Variants in ANGPT1 observed in about 807,000 individuals in gnomAD.
The protein encoded by ANGPT1 is angiopoietin 1, also known as angiopoietin-1.
Under a neutral mutation model 62.2 loss-of-function variants are expected in ANGPT1, and 17 were observed. The ratio of observed to expected loss-of-function variants is 0.27; its 90% CI spans 0.19 to 0.41. The LOEUF is 0.41. Among genes scored for constraint, ANGPT1 ranks in the 10% least tolerant of loss-of-function variants. The probability of loss-of-function intolerance (pLI) is 1.00; values close to 1 mark genes in which losing one functional copy is unlikely to be tolerated. For synonymous variants in ANGPT1, 199 were observed against 198.9 expected (o/e 1.00, Z 0.00); for missense variants, 478 against 594.9 (o/e 0.80, Z 2.04).
intron 1 of ANGPT1, among the ~76,000 whole-genome samples, chr8:107,419,073 G>T (rs547479053): frequency 6.6e-6 from 1 of 151,990 alleles, no homozygotes; most frequent in East Asian, 1.9e-4. Flanking sequence ...GTCTAAAATC[G>T]GTCATGATCC....
At chr8:107,472,639 T>C (rs949534776) in intron 1 of ANGPT1, among the ~76,000 whole-genome samples, 1 of 152,060 alleles carries the variant, frequency 6.6e-6, no homozygotes, top group African/African-American at 2.4e-5. Flanking sequence ...ATAAAACCAC[T>C]ATAGGAACCT....
rs1814637117 is a variant in ANGPT1, at chr8:107,303,298, C to G, written c.878G>C (p.Gly293Ala). ...FRDCADVYQA[G>A]FNKSGIYTIY... ...AGTGTAGATTCCACTTTTATTAAAACCAGCTTGATATACATCTGCACAGTC... is the reference window on the plus strand; with the variant it reads ...AGTGTAGATTCCACTTTTATTAAAAGCAGCTTGATATACATCTGCACAGTC... Residue 293 changes from glycine (G) to alanine (A), a missense_variant, in exon 5 of 9, where the codon GGT becomes GCT. Physicochemically the swap from Gly to Ala is moderately conservative, Grantham distance 60. Coordinates refer to ENST00000517746, the MANE Select transcript of ANGPT1 (RefSeq NM_001146.5). 6.2e-7 allele frequency: 1 copy of G among 1,603,508 alleles called. No homozygotes were observed. The highest frequency in any genetic ancestry group is 8.5e-7 in the Non-Finnish European group (1 of 1,173,200).
chr8:107,488,027 T>A (rs898959287), intron 1 of ANGPT1, among the ~76,000 whole-genome samples: 12 of 152,304 alleles, frequency 7.9e-5, no homozygotes, highest in Admixed American at 3.9e-4. Flanking sequence ...TATCATACAA[T>A]TGTATAATTA....
At chr8:107,274,795 A>T (rs564447206) in intron 7 of ANGPT1, among the ~76,000 whole-genome samples, 2 of 152,282 alleles carry the variant, frequency 1.3e-5, no homozygotes, top group African/African-American at 4.8e-5. Context: ...TGCACAAAAA[A>T]ACCTTGTCAA....
At chr8:107,307,553 A>G (rs115763181) in intron 4 of ANGPT1, among the ~76,000 whole-genome samples, 438 of 152,190 alleles carry the variant, frequency 2.9e-3, no homozygotes, top group African/African-American at 0.01. Context: ...ACCCTATAGA[A>G]GTTGTCTTTG....
intron 1 of ANGPT1, among the ~76,000 whole-genome samples, chr8:107,475,461 T>C (rs1812492624): frequency 6.6e-6 from 1 of 152,140 alleles, no homozygotes; most frequent in South Asian, 2.1e-4. Flanking sequence ...ACTTAACCAT[T>C]AGACCTAAAA....
chr8:107,300,461 G>C (rs922743328), intron 5 of ANGPT1, among the ~76,000 whole-genome samples: 6 of 151,694 alleles, frequency 4.0e-5, no homozygotes, highest in Non-Finnish European at 7.4e-5. Context: ...ACAAGAGAAT[G>C]AACATCTAAG....
At chr8:107,473,678 A>T (rs1266182733) in intron 1 of ANGPT1, among the ~76,000 whole-genome samples, 1 of 152,096 alleles carries the variant, frequency 6.6e-6, no homozygotes, top group Non-Finnish European at 1.5e-5. Context: ...CCTTTAGGTA[A>T]ATATGTATGT....
chr8:107,266,103 C>G (rs933505492), intron 7 of ANGPT1, among the ~76,000 whole-genome samples: 1 of 152,116 alleles, frequency 6.6e-6, no homozygotes, highest in African/African-American at 2.4e-5. Flanking sequence ...CTCTGAGAGG[C>G]AGACTACAAG....
At chr8:107,430,087 C>T (rs1406076732) in intron 1 of ANGPT1, among the ~76,000 whole-genome samples, 2 of 151,764 alleles carry the variant, frequency 1.3e-5, no homozygotes, top group South Asian at 2.1e-4. Flanking sequence ...AGAATGTGTG[C>T]TTTTTTTGTT....
chr8:107,258,990 A>G lies in ANGPT1; in HGVS notation c.1336+5231T>C, dbSNP rs556464919. Among the ~76,000 whole-genome samples, 3 of 152,284 alleles carry G rather than the reference A, an allele frequency of 2.0e-5. No individual in the cohort carries two copies. In the South Asian group the frequency reaches 6.2e-4, roughly 32 times the overall value. ...GAACATATGCTATCTGCCACACACT[A>G]TGGCAGCCACTGGGGATACAGTAGT... is the stretch of plus-strand genomic sequence containing the variant. On this transcript the variant is annotated intron_variant, in intron 8 of 8. Transcript: ENST00000517746.
intron 7 of ANGPT1, among the ~76,000 whole-genome samples, chr8:107,274,203 G>C (rs755005482): frequency 3.9e-5 from 6 of 152,186 alleles, no homozygotes; most frequent in Admixed American, 6.5e-5. Context: ...GTGCGACTCA[G>C]AAATCTGTAC....
chr8:107,395,337 T>C (rs1310088608), intron 1 of ANGPT1, among the ~76,000 whole-genome samples: 1 of 152,236 alleles, frequency 6.6e-6, no homozygotes, highest in Non-Finnish European at 1.5e-5. Context: ...AAGGATCAAG[T>C]CGAGGTATTT....
chr8:107,446,748 G>T (rs1440550575), intron 1 of ANGPT1, among the ~76,000 whole-genome samples: 2 of 152,166 alleles, frequency 1.3e-5, no homozygotes, highest in Admixed American at 6.5e-5. Flanking sequence ...CAGTTATGTG[G>T]CTATTGCAGA....
chr8:107,325,125 T>C (rs537844382), intron 3 of ANGPT1, among the ~76,000 whole-genome samples: 6 of 152,322 alleles, frequency 3.9e-5, no homozygotes, highest in African/African-American at 1.4e-4. Context: ...GAGAAGTTCG[T>C]GGTAAAACAC....
chr8:107,406,332 T>A (rs987371010), intron 1 of ANGPT1, among the ~76,000 whole-genome samples: 50 of 152,042 alleles, frequency 3.3e-4, no homozygotes, highest in African/African-American at 1.2e-3. Flanking sequence ...CTTTAATAAA[T>A]CTGACATACA....
At chr8:107,452,620 A>T (rs1488031693) in intron 1 of ANGPT1, among the ~76,000 whole-genome samples, 1 of 151,960 alleles carries the variant, frequency 6.6e-6, no homozygotes, top group Non-Finnish European at 1.5e-5. Flanking sequence ...TGATGGCCAT[A>T]TATTTAATCA....
intron 3 of ANGPT1, 128 bp from the exon 4 acceptor site, chr8:107,322,256 G>A (rs1815172122): frequency 1.5e-6 from 1 of 683,562 alleles, no homozygotes; most frequent in Non-Finnish European, 2.4e-6. Context: ...ATATTTTTAA[G>A]TGAGAGACTT....
intron 3 of ANGPT1, among the ~76,000 whole-genome samples, chr8:107,335,731 C>T (rs528020062): frequency 7.2e-5 from 11 of 152,230 alleles, no homozygotes; most frequent in Middle Eastern, 3.4e-3. Flanking sequence ...AATTCAAAAA[C>T]GCTGTAGCTT....
Sources: allele counts gnomAD v4.1 joint callset (sites outside exome capture counted in the v4.1 genomes callset), GRCh38; gene constraint gnomAD v4.1.1; transcripts MANE v1.5; gene names NCBI Gene and HGNC (gene_info 2026-07-23, HGNC 2026-07-21).